The following NKAIN2 variants were observed in gnomAD, a reference collection of about 807,000 sequenced individuals.
The protein encoded by NKAIN2 is sodium/potassium-transporting ATPase subunit beta-1-interacting protein 2.
In NKAIN2, 14 loss-of-function variants were observed where a neutral mutation model predicts 32.6. The observed-to-expected ratio is 0.43, with a 90% CI of 0.28 to 0.67. The LOEUF (loss-of-function observed/expected upper bound fraction) is 0.67. Among genes scored for constraint, NKAIN2 ranks in the 30% least tolerant of loss-of-function variants. NKAIN2 has a pLI of 0.17. For missense variants in NKAIN2, 198 were observed against 258.3 expected (o/e 0.77, Z 1.60); for synonymous variants, 80 against 87.2 (o/e 0.92, Z 0.46).
intron 1 of NKAIN2, among the ~76,000 whole-genome samples, chr6:124,210,427 T>C (rs762966618): frequency 1.3e-5 from 2 of 151,940 alleles, no homozygotes; most frequent in Non-Finnish European, 2.9e-5. Flanking sequence ...TCTAGGTCTT[T>C]TGTGGTTCCA....
chr6:124,413,007 G>T (rs906693880), intron 3 of NKAIN2, among the ~76,000 whole-genome samples: 2 of 152,172 alleles, frequency 1.3e-5, no homozygotes, highest in Non-Finnish European at 2.9e-5. Flanking sequence ...TGTGCCGTTT[G>T]TTAAGCCCGT....
At chr6:123,960,924 A>G (rs1056975713) in intron 1 of NKAIN2, among the ~76,000 whole-genome samples, 4 of 152,072 alleles carry the variant, frequency 2.6e-5, no homozygotes, top group African/African-American at 9.7e-5. Flanking sequence ...TTCTGGAGTC[A>G]GAGCAGACGG....
rs1781277203 is a variant in NKAIN2, at chr6:124,028,914, T to A, written c.54+224660T>A. ...ATATATATATATATACACATATATG[T>A]ATATATATGTGTATATATATATATA... On this transcript the variant is annotated intron_variant, in intron 1 of 6. Coordinates refer to ENST00000368417, the MANE Select transcript of NKAIN2 (RefSeq NM_001040214.3). Among the ~76,000 whole-genome samples the A allele has an allele frequency of 5.6e-5, 4 of 72,018 alleles. No individual in the cohort carries two copies. In the South Asian group the frequency reaches 1.8e-3, roughly 33 times the overall value. The allele number at this position is 72,018 out of a possible 152,430, so 47.2% of individuals were successfully genotyped here.
chr6:124,469,746 A>G (rs1303201856), intron 3 of NKAIN2, among the ~76,000 whole-genome samples: 1 of 152,172 alleles, frequency 6.6e-6, no homozygotes, highest in Non-Finnish European at 1.5e-5. Context: ...TTTCACAGTA[A>G]AAATCCCAGA....
At chr6:124,403,459 A>G (rs332605) in intron 3 of NKAIN2, among the ~76,000 whole-genome samples, 128,695 of 152,164 alleles carry the variant, frequency 0.85, 54,848 homozygotes, top group African/African-American at 0.95. Context: ...TACCCCCCTT[A>G]CTTCGCTGGT....
chr6:124,785,982 T>C (rs1006313783), intron 4 of NKAIN2, among the ~76,000 whole-genome samples: 6 of 152,084 alleles, frequency 3.9e-5, no homozygotes, highest in Admixed American at 1.3e-4. Flanking sequence ...GCTACAATTT[T>C]TGTGTTTTTG....
At chr6:124,513,359 G>A (rs762688085) in intron 3 of NKAIN2, among the ~76,000 whole-genome samples, 4 of 151,840 alleles carry the variant, frequency 2.6e-5, no homozygotes, top group Non-Finnish European at 5.9e-5. Context: ...TGCTTCATTT[G>A]GTAAATGCAA....
At chr6:123,998,087 G>A (rs1273320222) in intron 1 of NKAIN2, among the ~76,000 whole-genome samples, 1 of 151,896 alleles carries the variant, frequency 6.6e-6, no homozygotes. Context: ...AGAACTATAG[G>A]TTTTACTCCT....
Position 124,527,840 on chromosome 6 carries a change from T to C in NKAIN2, c.274-130346T>C, listed in dbSNP as rs185973635. Among the ~76,000 whole-genome samples, 88 of 152,024 alleles carry C rather than the reference T, an allele frequency of 5.8e-4. 2 individuals are homozygous for C. The highest frequency in any genetic ancestry group is 5.1e-4 in the Non-Finnish European group (35 of 67,970). Reference sequence around the variant, plus strand: ...ACAGGATAAGTGGAGGTTGCATAGGTGAAGGGAGTTGAAAAGGCATTCTAG... The same window carrying C: ...ACAGGATAAGTGGAGGTTGCATAGGCGAAGGGAGTTGAAAAGGCATTCTAG... On this transcript the variant is annotated intron_variant, in intron 3 of 6. Transcript: ENST00000368417.
intron 1 of NKAIN2, among the ~76,000 whole-genome samples, chr6:124,019,691 G>C (rs1780776274): frequency 1.3e-5 from 2 of 151,968 alleles, no homozygotes; most frequent in East Asian, 1.9e-4. Context: ...ATATAAGTGT[G>C]TATATTTAGA....
At chr6:124,506,693 T>C (rs1181092085) in intron 3 of NKAIN2, among the ~76,000 whole-genome samples, 1 of 151,936 alleles carries the variant, frequency 6.6e-6, no homozygotes, top group Non-Finnish European at 1.5e-5. Flanking sequence ...AAACTACTGG[T>C]ATCAGATTTT....
intron 3 of NKAIN2, among the ~76,000 whole-genome samples, chr6:124,596,225 G>A (rs1478486421): frequency 6.6e-6 from 1 of 152,192 alleles, no homozygotes; most frequent in Non-Finnish European, 1.5e-5. Context: ...AGGTACTTAG[G>A]GGGCATCAGG....
At chr6:124,561,778 C>T (rs931813503) in intron 3 of NKAIN2, among the ~76,000 whole-genome samples, 2 of 152,110 alleles carry the variant, frequency 1.3e-5, no homozygotes, top group African/African-American at 4.8e-5. Flanking sequence ...TGAAATAGCC[C>T]GTTTTGAAAA....
intron 3 of NKAIN2, among the ~76,000 whole-genome samples, chr6:124,361,149 A>G (rs1799271276): frequency 6.6e-6 from 1 of 152,136 alleles, no homozygotes; most frequent in Non-Finnish European, 1.5e-5. Flanking sequence ...GAAAACATAT[A>G]TAATATGGTG....
At chr6:124,189,133 GA>G (rs200562577) in intron 1 of NKAIN2, among the ~76,000 whole-genome samples, 5 of 151,214 alleles carry the variant, frequency 3.3e-5, no homozygotes. Flanking sequence ...TCACATGAAG[GA>G]AAAAAAACGT....
chr6:123,938,411 TATA>T (rs1776631258), intron 1 of NKAIN2, among the ~76,000 whole-genome samples: 1 of 70,122 alleles, frequency 1.4e-5, no homozygotes. Flanking sequence ...TATATATATA[TATA>T]TATATATATA....
At chr6:123,900,983 A>G (rs1170597420) in intron 1 of NKAIN2, among the ~76,000 whole-genome samples, 1 of 152,204 alleles carries the variant, frequency 6.6e-6, no homozygotes, top group Admixed American at 6.5e-5. Flanking sequence ...AATAAAGAGC[A>G]GTTGAGATGT....
chr6:124,211,167 C>G (rs945881798), intron 1 of NKAIN2, among the ~76,000 whole-genome samples: 1 of 151,790 alleles, frequency 6.6e-6, no homozygotes, highest in South Asian at 2.1e-4. Flanking sequence ...TCCAAAGAAA[C>G]AGAGCCACTT....
At chr6:124,193,039 G>A (rs146572794) in intron 1 of NKAIN2, among the ~76,000 whole-genome samples, 74 of 152,248 alleles carry the variant, frequency 4.9e-4, no homozygotes, top group African/African-American at 1.7e-3. Context: ...GTGAGCTACC[G>A]CGCCCAGCCA....
Sources: gnomAD v4.1 joint callset for allele counts (sites outside exome capture counted in the v4.1 genomes callset) on GRCh38, gnomAD v4.1.1 for gene constraint, MANE v1.5 for transcripts, NCBI Gene and HGNC (gene_info 2026-07-23, HGNC 2026-07-21) for gene names.